The following FRMD4A variants were observed in gnomAD, a reference collection of about 807,000 sequenced individuals.
The protein encoded by FRMD4A is FERM domain-containing protein 4A.
A neutral mutation model predicts 129.1 loss-of-function variants in FRMD4A; 29 were observed. The ratio of observed to expected loss-of-function variants is 0.22; its 90% CI spans 0.17 to 0.31. The LOEUF (loss-of-function observed/expected upper bound fraction) is 0.31, where lower values mean the gene tolerates loss of function less well. Among genes scored for constraint, FRMD4A ranks in the 10% least tolerant of loss-of-function variants. The pLI is 1.00. For missense variants in FRMD4A, 1,272 were observed against 1,375.8 expected, an observed-to-expected ratio of 0.92 and a Z score of 1.19; for synonymous variants, 634 against 571.6, an observed-to-expected ratio of 1.11 and a Z score of -1.56.
intron 2 of FRMD4A, among the ~76,000 whole-genome samples, chr10:14,012,308 C>A (rs144164330): frequency 6.6e-6 from 1 of 152,104 alleles, no homozygotes; most frequent in African/African-American, 2.4e-5. Context: ...GCTGGCAAAG[C>A]CTTTTGTTTG....
intron 15 of FRMD4A, chr10:13,684,913 A>G (rs1170196892): frequency 3.0e-6 from 3 of 985,040 alleles, no homozygotes; most frequent in Non-Finnish European, 2.4e-6. Context: ...TTCCCAGCAG[A>G]TCAGTAAAAG....
intron 6 of FRMD4A, among the ~76,000 whole-genome samples, chr10:13,766,790 G>T (rs2130720627): frequency 6.6e-6 from 1 of 152,264 alleles, no homozygotes; most frequent in African/African-American, 2.4e-5. Flanking sequence ...AAACCTGAAA[G>T]CTGGCCGGGC....
intron 2 of FRMD4A, among the ~76,000 whole-genome samples, chr10:13,948,350 C>A (rs1463533212): frequency 6.6e-6 from 1 of 152,082 alleles, no homozygotes; most frequent in Non-Finnish European, 1.5e-5. Context: ...CTGTGCCCAG[C>A]CTGAAATCTA....
intron 2 of FRMD4A, chr10:13,890,779 G>T: frequency 1.0e-6 from 1 of 985,382 alleles, no homozygotes; most frequent in Non-Finnish European, 1.2e-6. Flanking sequence ...TTCTCAGCAA[G>T]CTGCACTTCC....
chr10:14,112,318 A>C (rs1359042049), intron 2 of FRMD4A, among the ~76,000 whole-genome samples: 1 of 151,966 alleles, frequency 6.6e-6, no homozygotes, highest in East Asian at 1.9e-4. Context: ...GCATTTTAGG[A>C]GGATTAATCT....
intron 15 of FRMD4A, among the ~76,000 whole-genome samples, chr10:13,690,116 T>G (rs2085542031): frequency 6.6e-6 from 1 of 152,164 alleles, no homozygotes; most frequent in African/African-American, 2.4e-5. Context: ...CTTTTCTGAA[T>G]GAACATCAGA....
chr10:14,330,171 C>T lies in FRMD4A; in HGVS notation c.-69G>A, dbSNP rs1275424393. 1 of 1,485,762 alleles carries T rather than the reference C, an allele frequency of 6.7e-7. No individual in the cohort carries two copies. The highest frequency in any genetic ancestry group is 1.4e-5 in the African/African-American group (1 of 71,858). The allele number at this position is 1,485,762 out of a possible 1,614,324, so 92.0% of individuals were successfully genotyped here. A position where few individuals can be genotyped will look rare whatever the true frequency, so the allele number is the denominator to read the frequency against. ...TCCTGGGCCCCGGGTGGCTACAGAG[C>T]ATCCAAAAGCACCTGCAGAAAAAGC... is the stretch of plus-strand genomic sequence containing the variant. On this transcript the variant is annotated 5_prime_UTR_variant, in exon 2 of 25. The change abolishes an upstream ATG in the 5' untranslated region. Coordinates refer to ENST00000357447, the MANE Select transcript of FRMD4A (RefSeq NM_018027.5).
intron 2 of FRMD4A, among the ~76,000 whole-genome samples, chr10:13,867,674 A>G (rs1438430060): frequency 3.8e-5 from 5 of 129,966 alleles, no homozygotes; most frequent in Non-Finnish European, 7.8e-5. Flanking sequence ...ATAATATAAT[A>G]TATAATAAAT....
chr10:14,234,427 G>A (rs1843734483), intron 2 of FRMD4A, among the ~76,000 whole-genome samples: 1 of 152,148 alleles, frequency 6.6e-6, no homozygotes, highest in Non-Finnish European at 1.5e-5. Context: ...TTGGTCCCCT[G>A]GATCTCAGAG....
chr10:14,213,376 G>T (rs908297631), intron 2 of FRMD4A, among the ~76,000 whole-genome samples: 9 of 152,288 alleles, frequency 5.9e-5, no homozygotes, highest in African/African-American at 2.2e-4. Context: ...GCATGATCTT[G>T]TTTAATTTTC....
intron 2 of FRMD4A, among the ~76,000 whole-genome samples, chr10:13,916,181 T>C (rs2131243233): frequency 6.6e-6 from 1 of 152,306 alleles, no homozygotes; most frequent in East Asian, 1.9e-4. Flanking sequence ...GTGAAGTCTT[T>C]AGGTTTCATT....
At chr10:13,890,499 G>T in intron 2 of FRMD4A, 2 of 972,886 alleles carry the variant, frequency 2.1e-6, no homozygotes, top group South Asian at 4.8e-5. Context: ...GTGGAAGGGG[G>T]GTACCAGCAG....
At chr10:13,916,364 C>CTACTCTTAA (rs2095006315) in intron 2 of FRMD4A, among the ~76,000 whole-genome samples, 1 of 152,222 alleles carries the variant, frequency 6.6e-6, no homozygotes, top group Non-Finnish European at 1.5e-5. Flanking sequence ...GCTTCTACAT[C>CTACTCTTAA]TACTCTTAAG....
chr10:13,949,426 A>C (rs2095357300), intron 2 of FRMD4A, among the ~76,000 whole-genome samples: 1 of 152,196 alleles, frequency 6.6e-6, no homozygotes, highest in Admixed American at 6.5e-5. Flanking sequence ...TTTAGTTCAC[A>C]CAGGAATTTA....
chr10:13,740,640 C>T, intron 9 of FRMD4A, 63 bp from the exon 10 acceptor site: 1 of 829,490 alleles, frequency 1.2e-6, no homozygotes, highest in Non-Finnish European at 2.0e-6. Context: ...AGCTTCCTGC[C>T]AGTAAGATAT....
chr10:13,781,537 C>T (rs559832867), intron 6 of FRMD4A, among the ~76,000 whole-genome samples: 2 of 151,876 alleles, frequency 1.3e-5, no homozygotes, highest in Non-Finnish European at 2.9e-5. Context: ...AACACCACAT[C>T]TGGCTAATTT....
At chr10:14,080,524 A>G (rs994366373) in intron 2 of FRMD4A, among the ~76,000 whole-genome samples, 7 of 152,026 alleles carry the variant, frequency 4.6e-5, no homozygotes, top group African/African-American at 1.7e-4. Context: ...TCCTCAGGCC[A>G]TGTGAGTGCT....
intron 2 of FRMD4A, among the ~76,000 whole-genome samples, chr10:13,962,671 G>GCTCCATCTA (rs1389670495): frequency 6.6e-6 from 1 of 152,140 alleles, no homozygotes; most frequent in Admixed American, 6.5e-5. Flanking sequence ...CTATTCCTGA[G>GCTCCATCTA]CTCCATCTAA....
intron 2 of FRMD4A, among the ~76,000 whole-genome samples, chr10:14,201,059 G>T (rs1842622211): frequency 6.6e-6 from 1 of 152,170 alleles, no homozygotes. Flanking sequence ...AGCCCTAGCT[G>T]CCAGAGCCCT....
Sources: gnomAD v4.1 joint callset for allele counts (sites outside exome capture counted in the v4.1 genomes callset) on GRCh38, gnomAD v4.1.1 for gene constraint, MANE v1.5 for transcripts, NCBI Gene and HGNC (gene_info 2026-07-23, HGNC 2026-07-21) for gene names.